The following NUP88 variants were observed in gnomAD, a reference collection of about 807,000 sequenced individuals.
The protein encoded by NUP88 is nucleoporin 88.
NUP88 carries 57 observed loss-of-function variants against 93.9 expected under a neutral mutation model. The observed-to-expected ratio is 0.61, with a 90% CI of 0.49 to 0.76. The LOEUF (loss-of-function observed/expected upper bound fraction) is 0.76. Among genes scored for constraint, NUP88 ranks in the 30% least tolerant of loss-of-function variants. The pLI is 0.00. For synonymous variants in NUP88, 346 were observed against 336.8 expected (o/e 1.03, Z -0.30); for missense variants, 911 against 901.0 (o/e 1.01, Z -0.14).
In NUP88 at chr17:5,397,750, C is replaced by A. The variant is rs9789012; in HGVS notation, c.1291+1802G>T. ...TTTACCATTAAGCATTGTGTTGGTT[C>A]CAAGTTTTTTGTAGATGAAAAGTTT... On this transcript the variant is annotated intron_variant, in intron 8 of 16. Transcript: ENST00000573584. Among the ~76,000 whole-genome samples the A allele has an allele frequency of 6.6e-5, 10 of 151,952 alleles. No individual in the cohort carries two copies. In the East Asian group the frequency reaches 9.6e-4, roughly 15 times the overall value.
chr17:5,416,212 A>G (rs1427139666), intron 2 of NUP88, among the ~76,000 whole-genome samples: 1 of 134,316 alleles, frequency 7.4e-6, no homozygotes, highest in Non-Finnish European at 1.6e-5. Context: ...CACACATAAA[A>G]TACTTACACT....
At chr17:5,388,716 AAC>A (rs753545258) in intron 11 of NUP88, 84 bp downstream of exon 11, 22 of 1,223,990 alleles carry the variant, frequency 1.8e-5, no homozygotes, top group Admixed American at 2.4e-5. Flanking sequence ...AAGTATATGA[AAC>A]AGATGAGGAC....
chr17:5,416,327 G>A (rs965614795), intron 2 of NUP88, among the ~76,000 whole-genome samples, 186 bp downstream of exon 2: 1 of 151,694 alleles, frequency 6.6e-6, no homozygotes, highest in Admixed American at 6.6e-5. Context: ...TGGTACTTCA[G>A]GCAGAATAAA....
intron 3 of NUP88, among the ~76,000 whole-genome samples, chr17:5,411,990 T>C (rs1427641310): frequency 2.0e-5 from 3 of 152,136 alleles, no homozygotes; most frequent in African/African-American, 7.2e-5. Flanking sequence ...TGGGGAACAG[T>C]GAAAGAAAAA....
chr17:5,401,255 T>C (rs59976911), intron 7 of NUP88, among the ~76,000 whole-genome samples: 70,092 of 151,770 alleles, frequency 0.46, 16,937 homozygotes, highest in East Asian at 0.84. Context: ...TGGCGGCACA[T>C]GCCTGCAATC....
chr17:5,386,305 T>A, intron 16 of NUP88, 36 bp from the exon 17 acceptor site: 1 of 1,459,428 alleles, frequency 6.9e-7, no homozygotes, highest in East Asian at 2.3e-5. Flanking sequence ...TTTGGAATTA[T>A]AATAAACCAT....
intron 7 of NUP88, among the ~76,000 whole-genome samples, chr17:5,401,020 C>G (rs1242361908): frequency 6.6e-6 from 1 of 152,106 alleles, no homozygotes; most frequent in Non-Finnish European, 1.5e-5. Context: ...AAAAGATAAA[C>G]TACTGAATAC....
chr17:5,411,981 G>A (rs920899377), intron 3 of NUP88, among the ~76,000 whole-genome samples: 1 of 152,144 alleles, frequency 6.6e-6, no homozygotes, highest in African/African-American at 2.4e-5. Context: ...ATGTTGTACT[G>A]GGGAACAGTG....
intron 6 of NUP88, among the ~76,000 whole-genome samples, chr17:5,404,533 G>A (rs1241363424): frequency 1.3e-5 from 2 of 152,040 alleles, no homozygotes; most frequent in Non-Finnish European, 2.9e-5. Context: ...AGAATCGCTT[G>A]AACTCAGGAG....
intron 6 of NUP88, 102 bp from the exon 7 acceptor site, chr17:5,404,348 C>G: frequency 8.2e-7 from 1 of 1,217,830 alleles, no homozygotes; most frequent in Non-Finnish European, 1.2e-6. Context: ...TGCGGCTGTT[C>G]TTGCCTGTAA....
rs1293454508 is a variant in NUP88 at position 5,412,567 on chromosome 17, C to T, written c.593+1442G>A. ...CCCCATCTTGAGAGAAGATTCAGGG[C>T]ATAGAGAACTGACAGGAGCCAATGG... is the stretch of plus-strand genomic sequence containing the variant. On this transcript the variant is annotated intron_variant, in intron 3 of 16. Coordinates refer to ENST00000573584, the MANE Select transcript of NUP88 (RefSeq NM_002532.6). Among the ~76,000 whole-genome samples, 3 of 152,092 alleles carry T rather than the reference C, an allele frequency of 2.0e-5. No homozygotes were observed. In the East Asian group the frequency reaches 5.8e-4, roughly 29 times the overall value.
At chr17:5,386,486 A>G (rs554282443) in intron 16 of NUP88, among the ~76,000 whole-genome samples, 1 of 152,286 alleles carries the variant, frequency 6.6e-6, no homozygotes, top group South Asian at 2.1e-4. Flanking sequence ...ACTGTAAAAT[A>G]CCTTTGGCCA....
intron 9 of NUP88, among the ~76,000 whole-genome samples, chr17:5,394,222 A>G (rs1912627720): frequency 6.6e-6 from 1 of 152,214 alleles, no homozygotes; most frequent in South Asian, 2.1e-4. Flanking sequence ...AAGGACCTAG[A>G]AAGAATAGAG....
At position 5,386,159 on chromosome 17, in the gene NUP88, A is replaced by C; in HGVS notation, c.*47T>G. On this transcript the variant is annotated 3_prime_UTR_variant, in exon 17 of 17. Transcript: ENST00000573584. ...CTACCTGTTTTACAATATGGGTTTA[A>C]GCCTTCAATGGTGTTCAGTTCAGGT... The C allele has an allele frequency of 2.8e-6, 4 of 1,424,808 alleles. No homozygotes were observed. The South Asian group carries it at 4.9e-5, about 18-fold the overall frequency. The allele number at this position is 1,424,808 out of a possible 1,614,324, so 88.3% of individuals were successfully genotyped here. A position where few individuals can be genotyped will look rare whatever the true frequency, so the allele number is the denominator to read the frequency against.
At chr17:5,419,114 C>G (rs1392922579) in intron 1 of NUP88, among the ~76,000 whole-genome samples, 1 of 152,242 alleles carries the variant, frequency 6.6e-6, no homozygotes, top group Non-Finnish European at 1.5e-5. Context: ...TTGTTTTTCT[C>G]CAGAGCACTC....
chr17:5,416,615 T>C lies in NUP88; in HGVS notation c.365A>G (p.His122Arg). Residue 122 changes from histidine (H) to arginine (R), a missense_variant, in exon 2 of 17, where the codon CAT becomes CGT. Coordinates refer to ENST00000573584, the MANE Select transcript of NUP88 (RefSeq NM_002532.6). ...TCCTTTTATTCCTATAAGTGCTACA[T>C]GATGTTGTGTTGGGCTTAACAAGAC... ...YQVLLSPTQH[H>R]VALIGIKGLM... The C allele has an allele frequency of 1.2e-6, 2 of 1,612,638 alleles. No individual in the cohort carries two copies. Among genetic ancestry groups the C allele is most frequent in the Non-Finnish European group, 1.7e-6 (2 of 1,179,286 alleles).
intron 2 of NUP88, among the ~76,000 whole-genome samples, chr17:5,414,923 C>A (rs570513632): frequency 6.6e-6 from 1 of 151,552 alleles, no homozygotes; most frequent in Non-Finnish European, 1.5e-5. Flanking sequence ...GCTGAGATCA[C>A]GCCACTGCAC....
chr17:5,401,715 T>G (rs1404952472), intron 7 of NUP88, among the ~76,000 whole-genome samples: 3 of 152,248 alleles, frequency 2.0e-5, no homozygotes, highest in South Asian at 2.1e-4. Flanking sequence ...GCGTATGTTT[T>G]AAGACTTAAG....
At chr17:5,406,309 A>G (rs1249569731) in intron 5 of NUP88, among the ~76,000 whole-genome samples, 1 of 152,350 alleles carries the variant, frequency 6.6e-6, no homozygotes, top group Non-Finnish European at 1.5e-5. Flanking sequence ...TGGAAACATG[A>G]AAGACAAAGA....
Sources: gnomAD v4.1 joint callset for allele counts (sites outside exome capture counted in the v4.1 genomes callset) on GRCh38, gnomAD v4.1.1 for gene constraint, MANE v1.5 for transcripts, NCBI Gene and HGNC (gene_info 2026-07-23, HGNC 2026-07-21) for gene names.